The following SLC24A2 variants were observed in gnomAD, a reference collection of about 807,000 sequenced individuals.
SLC24A2 encodes solute carrier family 24 member 2.
SLC24A2 carries 36 observed loss-of-function variants against 62.0 expected under a neutral mutation model. The observed-to-expected ratio is 0.58, with a 90% CI of 0.44 to 0.77. The LOEUF (loss-of-function observed/expected upper bound fraction) is 0.77. Ranked by LOEUF, SLC24A2 falls within the 30% of genes least tolerant of loss-of-function variation. The probability of loss-of-function intolerance (pLI) is 0.00; values close to 1 mark genes in which losing one functional copy is unlikely to be tolerated. For missense variants in SLC24A2, 846 were observed against 817.9 expected, an observed-to-expected ratio of 1.03 and a Z score of -0.42; for synonymous variants, 358 against 294.0, an observed-to-expected ratio of 1.22 and a Z score of -2.23.
At chr9:20,096,500 C>T in the SLC24A2 span, among the ~76,000 whole-genome samples, 6 of 151,984 alleles carry the variant, frequency 3.9e-5, no homozygotes, top group Non-Finnish European at 8.8e-5. Flanking sequence ...TTCTGTTATA[C>T]TAATCTTTCT....
chr9:20,059,338 G>A, the SLC24A2 span, among the ~76,000 whole-genome samples: 5 of 152,140 alleles, frequency 3.3e-5, no homozygotes, highest in African/African-American at 4.8e-5. Context: ...TTTAACAACA[G>A]CAGAATGTAC....
the SLC24A2 span, among the ~76,000 whole-genome samples, chr9:20,256,606 T>C: frequency 1.3e-5 from 2 of 152,166 alleles, no homozygotes; most frequent in African/African-American, 4.8e-5. Flanking sequence ...AATCCTTACA[T>C]GCTCTGCCAT....
At chr9:19,555,682 C>A (rs1293121845) in intron 7 of SLC24A2, among the ~76,000 whole-genome samples, 3 of 152,188 alleles carry the variant, frequency 2.0e-5, no homozygotes, top group Non-Finnish European at 4.4e-5. Context: ...TGGTGGCTCA[C>A]ACCTGTAATC....
chr9:20,228,287 A>G, the SLC24A2 span, among the ~76,000 whole-genome samples: 1 of 152,182 alleles, frequency 6.6e-6, no homozygotes, highest in Non-Finnish European at 1.5e-5. Flanking sequence ...AAAGTCCTTG[A>G]ACTTCCTTTT....
intron 7 of SLC24A2, among the ~76,000 whole-genome samples, chr9:19,555,981 C>G (rs997671529): frequency 6.6e-6 from 1 of 152,166 alleles, no homozygotes. Context: ...ACATGTTATT[C>G]TAAGTGACAA....
chr9:19,842,980 G>A, the SLC24A2 span, among the ~76,000 whole-genome samples: 1 of 152,116 alleles, frequency 6.6e-6, no homozygotes, highest in Non-Finnish European at 1.5e-5. Flanking sequence ...ATATCCCCCA[G>A]CTGATTGTAG....
the SLC24A2 span, among the ~76,000 whole-genome samples, chr9:20,267,604 A>C: frequency 1.3e-5 from 2 of 152,170 alleles, no homozygotes; most frequent in African/African-American, 4.8e-5. Flanking sequence ...TCACCTTTTC[A>C]TGGGCTCTGA....
chr9:19,569,519 TCTC>T (rs150487637), intron 7 of SLC24A2, among the ~76,000 whole-genome samples: 5,042 of 152,030 alleles, frequency 0.033, 322 homozygotes, highest in East Asian at 0.3. Context: ...TCCACATACT[TCTC>T]CTCCCCTCCA....
chr9:20,141,233 T>C, the SLC24A2 span, among the ~76,000 whole-genome samples: 3 of 152,102 alleles, frequency 2.0e-5, no homozygotes, highest in Admixed American at 6.6e-5. Context: ...TGGTAAGAGA[T>C]AGAGGCAAGA....
the SLC24A2 span, among the ~76,000 whole-genome samples, chr9:19,911,379 C>T: frequency 3.9e-5 from 6 of 152,050 alleles, no homozygotes; most frequent in Admixed American, 1.3e-4. Context: ...AATAAACATA[C>T]GTGTGCATGT....
At chr9:19,887,935 A>G in the SLC24A2 span, among the ~76,000 whole-genome samples, 1 of 152,190 alleles carries the variant, frequency 6.6e-6, no homozygotes. Flanking sequence ...TCTCACTCAT[A>G]AGTGGGAGCT....
At chr9:20,243,688 G>A in the SLC24A2 span, among the ~76,000 whole-genome samples, 1 of 152,120 alleles carries the variant, frequency 6.6e-6, no homozygotes, top group Non-Finnish European at 1.5e-5. Context: ...TGTCTTAGAA[G>A]ACTTTTAATT....
intron 2 of SLC24A2, among the ~76,000 whole-genome samples, chr9:19,709,449 T>C (rs1023188594): frequency 2.2e-4 from 34 of 152,088 alleles, no homozygotes; most frequent in Non-Finnish European, 3.4e-4. Context: ...TAAAGACACA[T>C]GCACACGTAT....
the SLC24A2 span, among the ~76,000 whole-genome samples, chr9:20,267,075 T>C: frequency 7.2e-6 from 1 of 139,448 alleles, no homozygotes; most frequent in Non-Finnish European, 1.6e-5. Flanking sequence ...AAAAAAAAGC[T>C]GGTTTGGTTT....
chr9:20,127,174 T>C, the SLC24A2 span, among the ~76,000 whole-genome samples: 2 of 152,128 alleles, frequency 1.3e-5, no homozygotes, highest in African/African-American at 4.8e-5. Flanking sequence ...TCTGGTTCCC[T>C]TTCTGCCTGA....
chr9:19,978,641 C>A, the SLC24A2 span, among the ~76,000 whole-genome samples: 1 of 151,840 alleles, frequency 6.6e-6, no homozygotes, highest in East Asian at 1.9e-4. Context: ...TCAATTGACT[C>A]CCAACTTTCT....
intron 7 of SLC24A2, among the ~76,000 whole-genome samples, chr9:19,561,210 G>T (rs528966727): frequency 1.3e-4 from 20 of 152,106 alleles, no homozygotes; most frequent in Non-Finnish European, 2.5e-4. Context: ...GATTACAGGC[G>T]TGAGCCACCA....
At chr9:20,196,507 G>A in the SLC24A2 span, among the ~76,000 whole-genome samples, 1 of 151,890 alleles carries the variant, frequency 6.6e-6, no homozygotes, top group Non-Finnish European at 1.5e-5. Context: ...CTTTAAAATC[G>A]GGATTTAGGA....
Position 19,508,706 on chromosome 9 carries a change from A to C in SLC24A2, c.*7447T>G, listed in dbSNP as rs1424713802. 1 of 152,102 alleles carries C rather than the reference A, an allele frequency of 6.6e-6. No homozygotes were observed. Among genetic ancestry groups the C allele is most frequent in the African/African-American group, 2.4e-5 (1 of 41,384 alleles). The allele number at this position is 152,102 out of a possible 1,614,324, so 9.4% of individuals were successfully genotyped here. ...CTACTCAAGAGGCTGAAGTGGGAGG[A>C]TCGCTTGAGTCCAGGTGTTTGAGGC... On this transcript the variant is annotated 3_prime_UTR_variant, in exon 11 of 11. Coordinates refer to ENST00000341998, the MANE Select transcript of SLC24A2 (RefSeq NM_020344.4).
Sources: gnomAD v4.1 joint callset for allele counts (sites outside exome capture counted in the v4.1 genomes callset) on GRCh38, gnomAD v4.1.1 for gene constraint, MANE v1.5 for transcripts, NCBI Gene and HGNC (gene_info 2026-07-23, HGNC 2026-07-21) for gene names.